Variants in VCL observed in about 807,000 individuals in gnomAD.
The protein encoded by VCL is vinculin.
In VCL, 47 loss-of-function variants were observed where a neutral mutation model predicts 125.7. The observed-to-expected ratio is 0.37, with a 90% confidence interval of 0.30 to 0.48. VCL has a LOEUF of 0.48. Among genes scored for constraint, VCL ranks in the 20% least tolerant of loss-of-function variants. VCL has a pLI of 0.99. For synonymous variants in VCL, 458 were observed against 514.6 expected (o/e 0.89, Z 1.49); for missense variants, 1,069 against 1,455.5 (o/e 0.73, Z 4.32).
rs182475849 is a variant in VCL at position 74,009,225 on chromosome 10, C to G, written c.168+10850C>G. Among the ~76,000 whole-genome samples, 101 of 124,952 alleles carry G rather than the reference C, an allele frequency of 8.1e-4. 10 individuals are homozygous for G. The highest frequency in any genetic ancestry group is 3.8e-3 in the Middle Eastern group (1 of 262). 82.0% of individuals were successfully genotyped at this position (124,952 alleles called of 152,430 possible). The stretch of plus-strand genomic sequence containing the variant: ...TAGGTGGCTGCTGCTTTCCCCCCCC[C>G]CCCCCGAGCCATTTTAGTATTTAAT... On this transcript the variant is annotated intron_variant, in intron 1 of 21. Coordinates refer to ENST00000211998, the MANE Select transcript of VCL (RefSeq NM_014000.3).
Position 74,118,467 on chromosome 10 carries a change from A to C in VCL, c.*298A>C. ...TGGACTTCACATAAGCTCAGAATCC[A>C]AGTGAACACTAGCCAGACACTCTGC... On this transcript the variant is annotated 3_prime_UTR_variant, in exon 22 of 22. Transcript: ENST00000211998. 7.0e-6 allele frequency: 3 copies of C among 426,202 alleles called. No individual in the cohort carries two copies. Among genetic ancestry groups the C allele is most frequent in the Non-Finnish European group, 8.8e-6 (2 of 228,016 alleles). The allele number at this position is 426,202 out of a possible 1,614,324, so 26.4% of individuals were successfully genotyped here.
At chr10:74,016,580 CTG>C (rs1289450933) in intron 1 of VCL, among the ~76,000 whole-genome samples, 5 of 152,036 alleles carry the variant, frequency 3.3e-5, no homozygotes, top group Non-Finnish European at 7.4e-5. Context: ...GAGCGAGACT[CTG>C]TCTCAAAAAG....
chr10:74,070,844 C>A, intron 3 of VCL, 24 bp downstream of exon 3: 1 of 1,613,738 alleles, frequency 6.2e-7, no homozygotes, highest in Non-Finnish European at 8.5e-7. Context: ...GACAAAAAGC[C>A]TACTCTTGAA....
chr10:74,066,062 T>TATATATATATATATATATATA (rs1491467672), intron 2 of VCL, among the ~76,000 whole-genome samples: 1 of 124,672 alleles, frequency 8.0e-6, no homozygotes, highest in Admixed American at 8.0e-5. Flanking sequence ...TATATATATA[T>TATATATATATATATATATATA]TTTTTTTTTT....
intron 1 of VCL, among the ~76,000 whole-genome samples, chr10:74,042,438 T>C (rs1211254824): frequency 1.3e-5 from 2 of 152,240 alleles, no homozygotes; most frequent in African/African-American, 4.8e-5. Flanking sequence ...TAACAAATTC[T>C]AGCAAGTGAT....
In VCL at chr10:74,041,423, T is replaced by C. The variant is rs112744353; in HGVS notation, c.169-1660T>C. On this transcript the variant is annotated intron_variant, in intron 1 of 21. Transcript: ENST00000211998. Reference sequence around the variant, plus strand: ...TTGACATTCAAGACCTGCATAGAGATAATTTTGAAGAAAGTGAATATGTGT... The same window carrying C: ...TTGACATTCAAGACCTGCATAGAGACAATTTTGAAGAAAGTGAATATGTGT... 6.2e-3 allele frequency among the ~76,000 whole-genome samples: 951 copies of C among 152,302 alleles called. 11 individuals are homozygous for C. The highest frequency in any genetic ancestry group is 0.021 in the African/African-American group (875 of 41,572).
At position 74,119,603 on chromosome 10, in the gene VCL, T is replaced by C. The variant is rs1564537498; in HGVS notation, c.*1434T>C. 2.0e-5 allele frequency: 3 copies of C among 152,228 alleles called. No homozygotes were observed. Among genetic ancestry groups the C allele is most frequent in the Admixed American group, 6.5e-5 (1 of 15,280 alleles). The allele number at this position is 152,228 out of a possible 1,614,324, so 9.4% of individuals were successfully genotyped here. Reference sequence around the variant, plus strand: ...ATTTCCCAGCACATGAAACCTTATTTTTTCCCAAAGCCAGAACCAGATGAG... The same window carrying C: ...ATTTCCCAGCACATGAAACCTTATTCTTTCCCAAAGCCAGAACCAGATGAG... On this transcript the variant is annotated 3_prime_UTR_variant, in exon 22 of 22. Transcript: ENST00000211998.
At chr10:74,106,066 T>TC in intron 16 of VCL, among the ~76,000 whole-genome samples, 1 of 150,954 alleles carries the variant, frequency 6.6e-6, no homozygotes, top group South Asian at 2.1e-4. Flanking sequence ...GATTACAGGC[T>TC]CCCACCACCA....
At chr10:74,090,404 AATGATTT>A (rs1271489705) in intron 10 of VCL, among the ~76,000 whole-genome samples, 1 of 152,206 alleles carries the variant, frequency 6.6e-6, no homozygotes, top group Admixed American at 6.5e-5. Context: ...ACTGAGGTTT[AATGATTT>A]ATTGCTGGTC....
At chr10:74,112,636 A>G (rs1051309391) in intron 19 of VCL, among the ~76,000 whole-genome samples, 1 of 151,994 alleles carries the variant, frequency 6.6e-6, no homozygotes, top group African/African-American at 2.4e-5. Context: ...ATGGGAGTCC[A>G]CAGAAAATGG....
intron 1 of VCL, among the ~76,000 whole-genome samples, chr10:74,028,211 G>T (rs569260101): frequency 6.6e-6 from 1 of 152,104 alleles, no homozygotes; most frequent in Non-Finnish European, 1.5e-5. Context: ...AAGTAGCTAG[G>T]ACTACAGGCA....
At chr10:74,031,925 G>A (rs1340525920) in intron 1 of VCL, among the ~76,000 whole-genome samples, 3 of 151,872 alleles carry the variant, frequency 2.0e-5, no homozygotes, top group Admixed American at 6.6e-5. Context: ...TTAGCCAGGC[G>A]TGGTGGTGCG....
Position 74,090,118 on chromosome 10 carries a change from T to C in VCL, c.1272T>C (p.Asp424=), listed in dbSNP as rs1393816882. The change falls in exon 10 of 22, where the codon GAT becomes GAC. Residue 424 remains aspartate (D), a synonymous_variant. Coordinates refer to ENST00000211998, the MANE Select transcript of VCL (RefSeq NM_014000.3). ...EARKIAELCD[D]PKERDDILRS... The stretch of plus-strand genomic sequence containing the variant: ...GGAAAATAGCAGAATTATGTGATGA[T>C]CCTAAAGAAAGAGATGACATTCTAC... 1 of 1,614,164 alleles carries C rather than the reference T, an allele frequency of 6.2e-7. No individual in the cohort carries two copies. The highest frequency in any genetic ancestry group is 8.5e-7 in the Non-Finnish European group (1 of 1,180,026).
At chr10:74,000,470 AGT>A (rs1840206675) in intron 1 of VCL, among the ~76,000 whole-genome samples, 2 of 152,046 alleles carry the variant, frequency 1.3e-5, no homozygotes, top group Non-Finnish European at 2.9e-5. Context: ...GCTGGAGTGC[AGT>A]GACACGATCT....
At chr10:74,065,671 G>A (rs574912990) in intron 2 of VCL, among the ~76,000 whole-genome samples, 11 of 148,584 alleles carry the variant, frequency 7.4e-5, no homozygotes, top group African/African-American at 2.5e-4. Flanking sequence ...GCAACAGACC[G>A]AGACCCTGTC....
chr10:74,117,666 C>G (rs1416972456), intron 21 of VCL, among the ~76,000 whole-genome samples: 1 of 152,122 alleles, frequency 6.6e-6, no homozygotes, highest in Non-Finnish European at 1.5e-5. Flanking sequence ...AAAGAATGAG[C>G]AGGGAAATCC....
chr10:74,114,093 A>G (rs1480503860), intron 19 of VCL, 91 bp from the exon 20 acceptor site: 1 of 1,505,880 alleles, frequency 6.6e-7, no homozygotes, highest in Non-Finnish European at 9.1e-7. Context: ...CTAAGGTGGC[A>G]AGCTCCCTCC....
At chr10:74,046,509 T>C (rs941218690) in intron 2 of VCL, among the ~76,000 whole-genome samples, 1 of 152,210 alleles carries the variant, frequency 6.6e-6, no homozygotes, top group African/African-American at 2.4e-5. Flanking sequence ...TCCCAAAGTG[T>C]TGGGAGTACC....
intron 2 of VCL, among the ~76,000 whole-genome samples, chr10:74,052,193 C>G (rs572263422): frequency 6.6e-6 from 1 of 152,022 alleles, no homozygotes; most frequent in Non-Finnish European, 1.5e-5. Context: ...TTACCCTGGA[C>G]CTGCTTTAGC....
Sources: gnomAD v4.1 joint callset for allele counts (sites outside exome capture counted in the v4.1 genomes callset) on GRCh38, gnomAD v4.1.1 for gene constraint, MANE v1.5 for transcripts, NCBI Gene and HGNC (gene_info 2026-07-23, HGNC 2026-07-21) for gene names.